TCF4: variants seen among roughly 807,000 people sequenced by gnomAD.
The protein encoded by TCF4 is SL3-3 enhancer factor 2.
In TCF4, 3 loss-of-function variants were observed where a neutral mutation model predicts 82.1. The observed-to-expected ratio is 0.04, with a 90% CI of 0.02 to 0.09. The LOEUF is 0.09. Ranked by LOEUF, TCF4 falls within the 10% of genes least tolerant of loss-of-function variation. The pLI is 1.00. For missense variants in TCF4, 518 were observed against 852.7 expected (o/e 0.61, Z 4.89); for synonymous variants, 276 against 309.6 (o/e 0.89, Z 1.14).
At chr18:55,460,152 T>C (rs1239566317) in intron 5 of TCF4, among the ~76,000 whole-genome samples, 2 of 152,164 alleles carry the variant, frequency 1.3e-5, no homozygotes, top group Non-Finnish European at 2.9e-5. Context: ...CAACAGATTG[T>C]ACCAAGAAAT....
chr18:55,260,043 A>AC lies in TCF4; in HGVS notation c.991-17_991-16insG. ...GAGAATAGATCTTAAAACAATAAGGAGAAAAAAAAAACACCCTCATTCATT... is the reference window on the plus strand; with the variant it reads ...GAGAATAGATCTTAAAACAATAAGGACGAAAAAAAAAACACCCTCATTCATT... On this transcript the variant is annotated splice_polypyrimidine_tract_variant and intron_variant, in intron 12 of 19. Transcript: ENST00000354452. The AC allele has an allele frequency of 6.3e-7, 1 of 1,577,266 alleles. No individual in the cohort carries two copies. Among genetic ancestry groups the AC allele is most frequent in the Non-Finnish European group, 8.7e-7 (1 of 1,147,402 alleles).
intron 8 of TCF4, among the ~76,000 whole-genome samples, chr18:55,295,422 C>A (rs2066240814): frequency 6.6e-6 from 1 of 152,202 alleles, no homozygotes; most frequent in Non-Finnish European, 1.5e-5. Context: ...ACACTCACTA[C>A]TTCAATGAAA....
At chr18:55,446,966 C>T (rs1159227844) in intron 5 of TCF4, among the ~76,000 whole-genome samples, 3 of 117,926 alleles carry the variant, frequency 2.5e-5, no homozygotes, top group Non-Finnish European at 5.0e-5. Context: ...AGCCTGGGGA[C>T]AGAGCGAGAC....
At chr18:55,606,158 C>T (rs1256182505) in intron 2 of TCF4, among the ~76,000 whole-genome samples, 1 of 152,208 alleles carries the variant, frequency 6.6e-6, no homozygotes, top group Admixed American at 6.5e-5. Context: ...ATAACGGTAA[C>T]TACCCTCAAG....
chr18:55,503,857 T>A (rs1483090067), intron 3 of TCF4, among the ~76,000 whole-genome samples: 69 of 152,112 alleles, frequency 4.5e-4, no homozygotes, highest in Non-Finnish European at 2.9e-5. Flanking sequence ...GACGGATCAC[T>A]TGAGGCCAGG....
chr18:55,612,356 A>G (rs952478233), intron 2 of TCF4, among the ~76,000 whole-genome samples: 1 of 152,106 alleles, frequency 6.6e-6, no homozygotes, highest in South Asian at 2.1e-4. Flanking sequence ...TAATGAAGTG[A>G]GGTCTATCTT....
At chr18:55,365,193 GTGTGTGTGTGTGTGTGTATATATA>G (rs2086637481) in intron 6 of TCF4, among the ~76,000 whole-genome samples, 3 of 87,940 alleles carry the variant, frequency 3.4e-5, no homozygotes, top group Non-Finnish European at 4.8e-5. Context: ...ATATATATAT[GTGTGTGTGTGTGTGTGTATATATA>G]TGTGTGTGTG....
At chr18:55,567,184 A>G (rs2097417173) in intron 3 of TCF4, among the ~76,000 whole-genome samples, 1 of 152,220 alleles carries the variant, frequency 6.6e-6, no homozygotes, top group African/African-American at 2.4e-5. Flanking sequence ...AGGGAAGTGC[A>G]ATAATTATAC....
chr18:55,307,884 T>C (rs144995104), intron 8 of TCF4, among the ~76,000 whole-genome samples: 2 of 152,318 alleles, frequency 1.3e-5, no homozygotes, highest in Non-Finnish European at 2.9e-5. Flanking sequence ...GCTCTGGAAT[T>C]GTCTCACCTG....
At chr18:55,630,300 T>G (rs2097730358) in intron 2 of TCF4, among the ~76,000 whole-genome samples, 1 of 152,216 alleles carries the variant, frequency 6.6e-6, no homozygotes, top group Non-Finnish European at 1.5e-5. Flanking sequence ...AAAATTTTAC[T>G]ACATTAACTA....
At position 55,257,246 on chromosome 18, in the gene TCF4, A is replaced by G. The variant is rs1004030630; in HGVS notation, c.1146+69T>C. 1.6e-5 allele frequency: 24 copies of G among 1,496,544 alleles called. No individual in the cohort carries two copies. In the African/African-American group the frequency reaches 3.0e-4, roughly 19 times the overall value. 92.7% of individuals were successfully genotyped at this position (1,496,544 alleles called of 1,614,324 possible). ...AGGGAAAATCAAAATCTTGGAGAGT[A>G]AAGGAGACTGAACAAGAAAGAACAT... On this transcript the variant is annotated intron_variant, in intron 14 of 19. Coordinates refer to ENST00000354452, the MANE Select transcript of TCF4 (RefSeq NM_001083962.2).
At chr18:55,331,081 T>C (rs1293843405) in intron 8 of TCF4, among the ~76,000 whole-genome samples, 1 of 152,210 alleles carries the variant, frequency 6.6e-6, no homozygotes, top group Non-Finnish European at 1.5e-5. Context: ...GTTTCTCCAG[T>C]TGACCAAGCA....
At chr18:55,528,248 G>C (rs73960135) in intron 3 of TCF4, among the ~76,000 whole-genome samples, 2,551 of 152,250 alleles carry the variant, frequency 0.017, 53 homozygotes, top group African/African-American at 0.057. Context: ...GGATGGCTAT[G>C]TTTAAGATCT....
chr18:55,522,252 A>AT (rs1811949801), intron 3 of TCF4, among the ~76,000 whole-genome samples: 1 of 152,202 alleles, frequency 6.6e-6, no homozygotes, highest in Admixed American at 6.5e-5. Flanking sequence ...TTTACAAAAT[A>AT]TATGTAGTTA....
chr18:55,298,822 T>G (rs1381609000), intron 8 of TCF4, among the ~76,000 whole-genome samples: 1 of 152,170 alleles, frequency 6.6e-6, no homozygotes, highest in Non-Finnish European at 1.5e-5. Flanking sequence ...AAAGTGATTA[T>G]TTAATACACC....
intron 2 of TCF4, among the ~76,000 whole-genome samples, chr18:55,621,695 TAA>T (rs2097720146): frequency 1.2e-5 from 1 of 86,100 alleles, no homozygotes. Context: ...TTATATTATA[TAA>T]TATATATTAT....
chr18:55,439,026 G>A (rs753430211), intron 5 of TCF4, among the ~76,000 whole-genome samples: 1 of 152,210 alleles, frequency 6.6e-6, no homozygotes, highest in Non-Finnish European at 1.5e-5. Flanking sequence ...AGAGATGGGA[G>A]TTATCAGCCT....
At chr18:55,264,319 TAAC>T (rs1206975787) in intron 11 of TCF4, among the ~76,000 whole-genome samples, 8 of 152,166 alleles carry the variant, frequency 5.3e-5, no homozygotes, top group Admixed American at 5.2e-4. Context: ...GACTATTTTT[TAAC>T]ATGAAGCGAT....
chr18:55,310,501 C>A (rs2071999396), intron 8 of TCF4, among the ~76,000 whole-genome samples: 1 of 152,184 alleles, frequency 6.6e-6, no homozygotes, highest in South Asian at 2.1e-4. Flanking sequence ...GCCACCAGAT[C>A]CTGCCACCTT....
Sources: allele counts gnomAD v4.1 joint callset (sites outside exome capture counted in the v4.1 genomes callset), GRCh38; gene constraint gnomAD v4.1.1; transcripts MANE v1.5; gene names NCBI Gene and HGNC (gene_info 2026-07-23, HGNC 2026-07-21).